Variants in ABAT observed in about 807,000 individuals in gnomAD.
The protein encoded by ABAT is 4-aminobutyrate aminotransferase, mitochondrial.
ABAT carries 45 observed loss-of-function variants against 64.6 expected under a neutral mutation model. That is an observed-to-expected ratio of 0.70 (90% CI 0.55 to 0.89). The LOEUF is 0.89. Among genes scored for constraint, ABAT ranks in the 40% least tolerant of loss-of-function variants. ABAT has a pLI of 0.00. For missense variants in ABAT, 633 were observed against 658.4 expected, an observed-to-expected ratio of 0.96 and a Z score of 0.42; for synonymous variants, 297 against 250.5, an observed-to-expected ratio of 1.19 and a Z score of -1.75.
chr16:8,701,693 A>G (rs1199773179), intron 1 of ABAT, among the ~76,000 whole-genome samples: 1 of 152,246 alleles, frequency 6.6e-6, no homozygotes, highest in Non-Finnish European at 1.5e-5. Flanking sequence ...CTGAGGAGAT[A>G]GAGGTAAAAT....
chr16:8,766,706 C>T (rs2059956682), intron 9 of ABAT, among the ~76,000 whole-genome samples: 2 of 146,316 alleles, frequency 1.4e-5, no homozygotes, highest in East Asian at 2.0e-4. Flanking sequence ...CTGTGGTTCA[C>T]GCCTGTAATC....
chr16:8,677,287 C>G (rs28589960), intron 1 of ABAT, among the ~76,000 whole-genome samples: 4 of 152,304 alleles, frequency 2.6e-5, no homozygotes, highest in African/African-American at 9.6e-5. Flanking sequence ...TAAGGCAAAA[C>G]TTGTAACCCT....
intron 2 of ABAT, among the ~76,000 whole-genome samples, chr16:8,741,846 G>C (rs1012111894): frequency 3.9e-5 from 6 of 152,222 alleles, no homozygotes; most frequent in African/African-American, 1.4e-4. Context: ...CATCGGGAAA[G>C]TCACTTAACA....
intron 1 of ABAT, among the ~76,000 whole-genome samples, chr16:8,715,817 G>A (rs12149463): frequency 1.3e-5 from 2 of 152,010 alleles, no homozygotes; most frequent in East Asian, 1.9e-4. Flanking sequence ...GAGTGACTTT[G>A]TATCTCAGAT....
In ABAT at chr16:8,745,525, C is replaced by T. The variant is rs1386976471; in HGVS notation, c.71-476C>T. On this transcript the variant is annotated intron_variant, in intron 2 of 15. Transcript: ENST00000268251. ...CAGCCTGGGCAACATGGCGAAACCCCGTCTCTACTAAAAATACCAAAATTA... is the reference window on the plus strand; with the variant it reads ...CAGCCTGGGCAACATGGCGAAACCCTGTCTCTACTAAAAATACCAAAATTA... Among the ~76,000 whole-genome samples the T allele has an allele frequency of 1.0e-3, 158 of 151,742 alleles. 3 individuals are homozygous for T. Among genetic ancestry groups the T allele is most frequent in the Admixed American group, 5.3e-4 (8 of 15,218 alleles).
intron 6 of ABAT, among the ~76,000 whole-genome samples, 153 bp downstream of exon 6, chr16:8,757,959 T>G (rs1200180011): frequency 6.6e-6 from 1 of 152,218 alleles, no homozygotes; most frequent in Non-Finnish European, 1.5e-5. Context: ...GTGGCATGCC[T>G]TGATGAATGA....
chr16:8,778,348 T>C (rs998988725), intron 14 of ABAT, among the ~76,000 whole-genome samples: 6 of 152,192 alleles, frequency 3.9e-5, no homozygotes, highest in African/African-American at 1.4e-4. Context: ...CATGCCCCTC[T>C]CCACCTTCTC....
Position 8,784,458 on chromosome 16 carries a change from A to AT in ABAT, c.*3029dup, listed in dbSNP as rs756370933. 6.6e-6 allele frequency: 1 copy of AT among 151,428 alleles called. No homozygotes were observed. The highest frequency in any genetic ancestry group is 1.9e-4 in the East Asian group (1 of 5,202). 9.4% of individuals were successfully genotyped at this position (151,428 alleles called of 1,614,324 possible). On this transcript the variant is annotated 3_prime_UTR_variant, in exon 16 of 16. Coordinates refer to ENST00000268251, the MANE Select transcript of ABAT (RefSeq NM_020686.6). ...AATCTGTTGACAGTGCCAATAAATG[A>AT]TAAAAAAAAAATTAACATGTCACAA...
At position 8,764,155 on chromosome 16, in the gene ABAT, T is replaced by A. The variant is rs368568785; in HGVS notation, c.447+6T>A. 1.2e-6 allele frequency: 2 copies of A among 1,612,180 alleles called. No homozygotes were observed. Among genetic ancestry groups the A allele is most frequent in the African/African-American group, 1.3e-5 (1 of 74,808 alleles). On this transcript the variant is annotated splice_donor_region_variant and intron_variant, in intron 7 of 15. Coordinates refer to ENST00000268251, the MANE Select transcript of ABAT (RefSeq NM_020686.6). The surrounding 1 kb of genome is among the most constrained non-coding windows in gnomAD (Gnocchi z 4.2). ...TCCGGCAGTCCTTGCTCTCGGTGAGTTCTGGAGAAGCAATCCCATTGTCTT... is the reference window on the plus strand; with the variant it reads ...TCCGGCAGTCCTTGCTCTCGGTGAGATCTGGAGAAGCAATCCCATTGTCTT...
chr16:8,764,649 G>A lies in ABAT; in HGVS notation c.448-89G>A. 8.1e-7 allele frequency: 1 copy of A among 1,238,748 alleles called. No homozygotes were observed. Among genetic ancestry groups the A allele is most frequent in the Non-Finnish European group, 1.2e-6 (1 of 843,256 alleles). The allele number at this position is 1,238,748 out of a possible 1,614,324, so 76.7% of individuals were successfully genotyped here. A position where few individuals can be genotyped will look rare whatever the true frequency, so the allele number is the denominator to read the frequency against. On this transcript the variant is annotated intron_variant, in intron 7 of 15. Transcript: ENST00000268251. This position sits in a 1 kb window ranked among gnomAD's most constrained non-coding sequence, Gnocchi z 4.2. ...CCTGGTTCTGTCTGTCCCCGGTACG[G>A]CCCCTGCGAAGATTCAGCTCCAGCC...
At chr16:8,771,310 G>A (rs975923443) in intron 11 of ABAT, among the ~76,000 whole-genome samples, 233 of 149,714 alleles carry the variant, frequency 1.6e-3, no homozygotes, top group African/African-American at 5.4e-3. Context: ...AAAAAAAAAA[G>A]AAAACCAAGA....
chr16:8,703,743 T>C (rs1384775078), intron 1 of ABAT, among the ~76,000 whole-genome samples: 7 of 152,138 alleles, frequency 4.6e-5, no homozygotes, highest in Admixed American at 3.9e-4. Flanking sequence ...GAAAGACCTA[T>C]AGTTTGAAGG....
intron 1 of ABAT, among the ~76,000 whole-genome samples, chr16:8,711,337 C>A (rs967459717): frequency 6.6e-6 from 1 of 152,046 alleles, no homozygotes; most frequent in African/African-American, 2.4e-5. Flanking sequence ...AGGTAGGAAA[C>A]GATGGGTACC....
chr16:8,690,520 T>C (rs764073901), intron 1 of ABAT, among the ~76,000 whole-genome samples: 2 of 152,154 alleles, frequency 1.3e-5, no homozygotes, highest in Non-Finnish European at 2.9e-5. Flanking sequence ...ATAGAGTGAG[T>C]CATACTCATC....
At chr16:8,685,004 G>C (rs1214986688) in intron 1 of ABAT, among the ~76,000 whole-genome samples, 1 of 152,056 alleles carries the variant, frequency 6.6e-6, no homozygotes, top group Non-Finnish European at 1.5e-5. Flanking sequence ...AATGAACAAG[G>C]CCAGGCATGG....
chr16:8,737,166 T>A (rs1272170888), intron 2 of ABAT: 1 of 152,162 alleles, frequency 6.6e-6, no homozygotes, highest in Non-Finnish European at 1.5e-5. Context: ...CCAAGGAGTA[T>A]GAGTAGGCTT....
intron 1 of ABAT, among the ~76,000 whole-genome samples, chr16:8,732,342 G>C (rs1466907199): frequency 6.6e-6 from 1 of 150,652 alleles, no homozygotes; most frequent in Non-Finnish European, 1.5e-5. Context: ...AAAGGTCTCT[G>C]GTTTTCCTAG....
chr16:8,740,478 C>T (rs2059132394), intron 2 of ABAT, among the ~76,000 whole-genome samples: 3 of 152,264 alleles, frequency 2.0e-5, no homozygotes, highest in Middle Eastern at 3.4e-3. Flanking sequence ...CAGCCAGAAG[C>T]CACTCTCAGT....
intron 1 of ABAT, among the ~76,000 whole-genome samples, chr16:8,701,092 C>T (rs1291424229): frequency 6.6e-6 from 1 of 152,144 alleles, no homozygotes; most frequent in African/African-American, 2.4e-5. Context: ...CACACACCAC[C>T]ACACCTGGCT....
Sources: gnomAD v4.1 joint callset for allele counts (sites outside exome capture counted in the v4.1 genomes callset) on GRCh38, gnomAD v4.1.1 for gene constraint, Gnocchi (gnomAD v3.1) non-coding constraint, MANE v1.5 for transcripts, NCBI Gene and HGNC (gene_info 2026-07-23, HGNC 2026-07-21) for gene names.